Variants in UNC50 observed in about 807,000 individuals in gnomAD.
UNC50 encodes the protein protein unc-50 homolog.
A neutral mutation model predicts 31.5 loss-of-function variants in UNC50; 24 were observed. That is an observed-to-expected ratio of 0.76 (90% CI 0.55 to 1.07). UNC50 has a LOEUF of 1.07. Among genes scored for constraint, UNC50 ranks in the 50% least tolerant of loss-of-function variants. The probability of loss-of-function intolerance (pLI) is 0.00; values close to 1 mark genes in which losing one functional copy is unlikely to be tolerated. For synonymous variants in UNC50, 118 were observed against 114.7 expected, an observed-to-expected ratio of 1.03 and a Z score of -0.18; for missense variants, 245 against 304.2, an observed-to-expected ratio of 0.81 and a Z score of 1.45.
intron 5 of UNC50, among the ~76,000 whole-genome samples, chr2:98,617,239 C>A (rs557399836): frequency 6.6e-6 from 1 of 152,232 alleles, no homozygotes; most frequent in South Asian, 2.1e-4. Context: ...CCTTCCTTTC[C>A]TGTTACTGTA....
chr2:98,609,876 C>A lies in UNC50; in HGVS notation c.117C>A (p.Phe39Leu), dbSNP rs148175018. ...GCTACAAATATCTGAGAAGGCTTTT[C>A]CGCTTTCGGCAAATGGACTTTGAAT... ...AKRYKYLRRL[F>L]RFRQMDFEFA... Residue 39 changes from phenylalanine to leucine, a missense_variant, in exon 2 of 6, where the codon TTC (phenylalanine) becomes TTA (leucine). By Grantham distance (22) the Phe-to-Leu change is conservative. Transcript: ENST00000357765. 90 of 1,614,090 alleles carry A rather than the reference C, an allele frequency of 5.6e-5. No individual in the cohort carries two copies. The highest frequency in any genetic ancestry group is 7.4e-5 in the Non-Finnish European group (87 of 1,180,050).
intron 5 of UNC50, 50 bp from the exon 6 acceptor site, chr2:98,618,118 C>CATT (rs35335182): frequency 0.023 from 29,812 of 1,289,712 alleles, 387 homozygotes; most frequent in Non-Finnish European, 0.026. Context: ...ATTTATTAGT[C>CATT]ATTTATTTTT....
chr2:98,616,176 A>G (rs771362078), intron 3 of UNC50, 31 bp from the exon 4 acceptor site: 2 of 1,590,522 alleles, frequency 1.3e-6, no homozygotes, highest in Admixed American at 3.6e-5. Flanking sequence ...AATTCATTTT[A>G]TTATGAAAGA....
chr2:98,611,487 C>T (rs553545660), intron 3 of UNC50, among the ~76,000 whole-genome samples: 45 of 152,288 alleles, frequency 3.0e-4, no homozygotes, highest in African/African-American at 1.1e-3. Context: ...TGCATTTTTA[C>T]ATAAACAATG....
Position 98,618,107 on chromosome 2 carries a change from CATTT to C in UNC50, c.644-57_644-54del, listed in dbSNP as rs1336038809. 9.1e-6 allele frequency: 13 copies of C among 1,431,552 alleles called. 1 individual carries two copies. Among genetic ancestry groups the C allele is most frequent in the Admixed American group, 5.5e-5 (2 of 36,330 alleles). 88.7% of individuals were successfully genotyped at this position (1,431,552 alleles called of 1,614,324 possible). A position where few individuals can be genotyped will look rare whatever the true frequency, so the allele number is the denominator to read the frequency against. ...GAAGTAAGCTGTCTTTCAAAATGTT[CATTT>C]ATTAGTCATTTATTTTTTTTTTTTT... On this transcript the variant is annotated intron_variant, in intron 5 of 5. Coordinates refer to ENST00000357765, the MANE Select transcript of UNC50 (RefSeq NM_014044.7).
At chr2:98,610,581 A>G (rs944961052) in intron 2 of UNC50, among the ~76,000 whole-genome samples, 194 bp from the exon 3 acceptor site, 1 of 152,210 alleles carries the variant, frequency 6.6e-6, no homozygotes, top group Non-Finnish European at 1.5e-5. Context: ...TCAGCCTGGC[A>G]AGGGCCCACC....
intron 2 of UNC50, 55 bp from the exon 3 acceptor site, chr2:98,610,720 G>A: frequency 3.1e-6 from 5 of 1,598,204 alleles, no homozygotes; most frequent in East Asian, 4.5e-5. Flanking sequence ...GATGTGTCCT[G>A]TATTTCCAGA....
chr2:98,615,150 A>G (rs1008122479), intron 3 of UNC50, among the ~76,000 whole-genome samples: 8 of 152,094 alleles, frequency 5.3e-5, no homozygotes, highest in African/African-American at 9.7e-5. Context: ...GCTTCTTACT[A>G]TTTCATCCTC....
chr2:98,616,948 AG>A (rs2104188423), intron 5 of UNC50, among the ~76,000 whole-genome samples: 1 of 152,294 alleles, frequency 6.6e-6, no homozygotes, highest in African/African-American at 2.4e-5. Context: ...CTTGTTACAT[AG>A]GTCTATGAAC....
intron 2 of UNC50, 118 bp from the exon 3 acceptor site, chr2:98,610,657 G>C: frequency 7.6e-7 from 1 of 1,316,034 alleles, no homozygotes; most frequent in Non-Finnish European, 1.0e-6. Context: ...CATCTTGGGA[G>C]TTTTGTTTAA....
At chr2:98,614,122 TTAAAG>T (rs1180163507) in intron 3 of UNC50, among the ~76,000 whole-genome samples, 3 of 152,104 alleles carry the variant, frequency 2.0e-5, no homozygotes, top group Non-Finnish European at 2.9e-5. Context: ...CTTTGAGGCT[TTAAAG>T]TAAGGAAATA....
chr2:98,616,385 T>A, intron 4 of UNC50, 39 bp downstream of exon 4: 2 of 1,613,832 alleles, frequency 1.2e-6, no homozygotes, highest in Non-Finnish European at 1.7e-6. Context: ...CAAGTCTTCA[T>A]TGCATGCATT....
chr2:98,618,112 A>G (rs1323190083), intron 5 of UNC50, 56 bp from the exon 6 acceptor site: 2 of 1,404,322 alleles, frequency 1.4e-6, no homozygotes, highest in Admixed American at 5.7e-5. Context: ...ATGTTCATTT[A>G]TTAGTCATTT....
Position 98,609,883 on chromosome 2 carries a change from C to G in UNC50, c.124C>G (p.Arg42Gly), listed in dbSNP as rs1455593184. ...YKYLRRLFRF[R>G]QMDFEFAAWQ... ...ATATCTGAGAAGGCTTTTCCGCTTT[C>G]GGCAAATGGACTTTGAATTTGCTGC... Residue 42 changes from arginine (R) to glycine (G), a missense_variant, in exon 2 of 6, where the codon CGG becomes GGG. By Grantham distance (125) the Arg-to-Gly change is moderately radical (BLOSUM62 -2). Coordinates refer to ENST00000357765, the MANE Select transcript of UNC50 (RefSeq NM_014044.7). The G allele has an allele frequency of 6.2e-7, 1 of 1,614,074 alleles. No homozygotes were observed. The highest frequency in any genetic ancestry group is 8.5e-7 in the Non-Finnish European group (1 of 1,180,044).
At position 98,608,624 on chromosome 2, in the gene UNC50, C is replaced by T; in HGVS notation, c.-107C>T. On this transcript the variant is annotated 5_prime_UTR_variant, in exon 1 of 6. Coordinates refer to ENST00000357765, the MANE Select transcript of UNC50 (RefSeq NM_014044.7). Reference sequence around the variant, plus strand: ...ACGCGGCGCGCCCCAAGGGCCGGCTCCGTTGAGGGAAGGGAAGCCCGCCCG... The same window carrying T: ...ACGCGGCGCGCCCCAAGGGCCGGCTTCGTTGAGGGAAGGGAAGCCCGCCCG... 5.1e-6 allele frequency: 3 copies of T among 589,620 alleles called. No homozygotes were observed. The highest frequency in any genetic ancestry group is 9.0e-6 in the Non-Finnish European group (3 of 332,636). 36.5% of individuals were successfully genotyped at this position (589,620 alleles called of 1,614,324 possible). A position where few individuals can be genotyped will look rare whatever the true frequency, so the allele number is the denominator to read the frequency against.
Position 98,608,733 on chromosome 2 carries a change from C to T in UNC50, c.-5+7C>T. On this transcript the variant is annotated splice_region_variant and intron_variant, in intron 1 of 5. Coordinates refer to ENST00000357765, the MANE Select transcript of UNC50 (RefSeq NM_014044.7). ...GGCTGTAGCAGGACTCCAGGTGAGG[C>T]CTGAGGACCACTCTGCCCTCCCGCG... 2.5e-6 allele frequency: 1 copy of T among 401,182 alleles called. No homozygotes were observed. Among genetic ancestry groups the T allele is most frequent in the South Asian group, 2.2e-5 (1 of 44,866 alleles). 24.9% of individuals were successfully genotyped at this position (401,182 alleles called of 1,614,324 possible). A position where few individuals can be genotyped will look rare whatever the true frequency, so the allele number is the denominator to read the frequency against.
chr2:98,612,456 C>T (rs1378931866), intron 3 of UNC50, among the ~76,000 whole-genome samples: 1 of 151,696 alleles, frequency 6.6e-6, no homozygotes, highest in Non-Finnish European at 1.5e-5. Flanking sequence ...GTCACCCAGG[C>T]TGGAGTGCAA....
At chr2:98,609,117 C>T (rs549952962) in intron 1 of UNC50, 58 of 153,730 alleles carry the variant, frequency 3.8e-4, no homozygotes, top group Non-Finnish European at 6.8e-4. Flanking sequence ...GGGGGGCCTG[C>T]GAAGTGGAGG....
rs138451180 is a variant in UNC50 at position 98,615,148 on chromosome 2, C to T, written c.402-1059C>T. Among the ~76,000 whole-genome samples, 255 of 152,338 alleles carry T rather than the reference C, an allele frequency of 1.7e-3. 1 individual carries two copies. The highest frequency in any genetic ancestry group is 6.0e-3 in the African/African-American group (249 of 41,570). The stretch of plus-strand genomic sequence containing the variant: ...CGTCACTCTTCCTAACTGCTTCTTA[C>T]TATTTCATCCTCCTTTTAATAGGGG... On this transcript the variant is annotated intron_variant, in intron 3 of 5. Coordinates refer to ENST00000357765, the MANE Select transcript of UNC50 (RefSeq NM_014044.7).
Sources: allele counts gnomAD v4.1 joint callset (sites outside exome capture counted in the v4.1 genomes callset), GRCh38; gene constraint gnomAD v4.1.1; transcripts MANE v1.5; gene names NCBI Gene and HGNC (gene_info 2026-07-23, HGNC 2026-07-21).